Variants in SPAG16 observed in about 807,000 individuals in gnomAD.
SPAG16 encodes the protein sperm-associated antigen 16 protein.
Under a neutral mutation model 80.4 loss-of-function variants are expected in SPAG16, and 86 were observed. That is an observed-to-expected ratio of 1.07 (90% confidence interval 0.90 to 1.28). The LOEUF is 1.28. Ranked by LOEUF, SPAG16 falls within the 50% of genes most tolerant of loss-of-function variation. The pLI is 0.00. For synonymous variants in SPAG16, 294 were observed against 265.9 expected (o/e 1.11, Z -1.03); for missense variants, 870 against 765.3 (o/e 1.14, Z -1.61).
At chr2:214,394,653 C>A (rs1701262846) in intron 15 of SPAG16, among the ~76,000 whole-genome samples, 1 of 152,114 alleles carries the variant, frequency 6.6e-6, no homozygotes, top group African/African-American at 2.4e-5. Context: ...CCCCTATCCC[C>A]ACACATGCAC....
At chr2:213,593,727 C>T (rs7577800) in intron 10 of SPAG16, among the ~76,000 whole-genome samples, 7,621 of 130,182 alleles carry the variant, frequency 0.059, 841 homozygotes, top group African/African-American at 0.21. Flanking sequence ...TTTCTCATAC[C>T]CCATCATCCC....
chr2:213,658,324 T>C (rs902198381), intron 10 of SPAG16, among the ~76,000 whole-genome samples: 1 of 152,116 alleles, frequency 6.6e-6, no homozygotes, highest in African/African-American at 2.4e-5. Flanking sequence ...TTCCTCATAA[T>C]CTAGCCCCTC....
At chr2:213,686,939 T>C (rs183391784) in intron 10 of SPAG16, among the ~76,000 whole-genome samples, 119 of 152,246 alleles carry the variant, frequency 7.8e-4, no homozygotes, top group Middle Eastern at 3.4e-3. Context: ...CACCTCGGCC[T>C]CCCAAAGTGC....
chr2:214,264,828 GTC>G (rs1183806249), intron 15 of SPAG16, among the ~76,000 whole-genome samples: 2 of 151,708 alleles, frequency 1.3e-5, no homozygotes, highest in African/African-American at 4.8e-5. Context: ...TCTTTTTACT[GTC>G]TCTATATTTT....
chr2:213,447,403 G>T (rs933441101), intron 9 of SPAG16, among the ~76,000 whole-genome samples: 1 of 152,202 alleles, frequency 6.6e-6, no homozygotes, highest in African/African-American at 2.4e-5. Context: ...AAACTTTTCT[G>T]TCTGTTATCC....
chr2:214,213,581 G>A (rs1209521269), intron 15 of SPAG16, among the ~76,000 whole-genome samples: 1 of 152,174 alleles, frequency 6.6e-6, no homozygotes, highest in African/African-American at 2.4e-5. Context: ...GAGCTGTTCT[G>A]TGCATTGTGT....
In SPAG16 at chr2:213,862,596, T is replaced by C; in HGVS notation, c.1182T>C (p.Thr394=). Residue 394 remains threonine, a synonymous_variant, in exon 11 of 16, where the codon ACT becomes ACC. Coordinates refer to ENST00000331683, the MANE Select transcript of SPAG16 (RefSeq NM_024532.5). ...TGCTTCTCACGGGATTTGGCCACAC[T>C]GACTGGCTTTCAGACTGCTGCTTCC... ...CNVLLTGFGH[T]DWLSDCCFHP... 1 of 1,614,128 alleles carries C rather than the reference T, an allele frequency of 6.2e-7. No homozygotes were observed. The highest frequency in any genetic ancestry group is 8.5e-7 in the Non-Finnish European group (1 of 1,179,998).
chr2:214,085,285 T>C (rs2051649118), intron 13 of SPAG16, among the ~76,000 whole-genome samples: 1 of 150,128 alleles, frequency 6.7e-6, no homozygotes, highest in Non-Finnish European at 1.5e-5. Flanking sequence ...GGCGGGAGAA[T>C]CACTTGAACC....
At chr2:213,915,957 G>A (rs933135066) in intron 11 of SPAG16, among the ~76,000 whole-genome samples, 12 of 152,048 alleles carry the variant, frequency 7.9e-5, no homozygotes, top group African/African-American at 2.9e-4. Flanking sequence ...CCTACTTTTT[G>A]ATGGGGTTGT....
At chr2:213,645,019 C>T (rs1032997687) in intron 10 of SPAG16, among the ~76,000 whole-genome samples, 7 of 152,314 alleles carry the variant, frequency 4.6e-5, no homozygotes, top group East Asian at 1.9e-4. Context: ...AAACCTTAGA[C>T]GTCTGCCTGG....
chr2:213,579,582 G>A (rs1170332995), intron 10 of SPAG16, among the ~76,000 whole-genome samples: 1 of 152,086 alleles, frequency 6.6e-6, no homozygotes, highest in African/African-American at 2.4e-5. Context: ...CATTAAAAAT[G>A]ATCTCTTCAT....
At chr2:214,341,550 G>T (rs1475890294) in intron 15 of SPAG16, among the ~76,000 whole-genome samples, 1 of 152,106 alleles carries the variant, frequency 6.6e-6, no homozygotes, top group Non-Finnish European at 1.5e-5. Flanking sequence ...AAAATGACTT[G>T]CAAAGGAATG....
chr2:213,959,008 G>C (rs561054955), intron 12 of SPAG16, among the ~76,000 whole-genome samples: 1 of 152,046 alleles, frequency 6.6e-6, no homozygotes, highest in Non-Finnish European at 1.5e-5. Flanking sequence ...CATTTTGAAG[G>C]GTATTTTTGG....
At chr2:213,880,695 A>G (rs2076308520) in intron 11 of SPAG16, among the ~76,000 whole-genome samples, 1 of 152,170 alleles carries the variant, frequency 6.6e-6, no homozygotes, top group East Asian at 1.9e-4. Context: ...TGTGCATATA[A>G]CTAGCCAGCT....
At chr2:213,665,210 G>A (rs1001802209) in intron 10 of SPAG16, among the ~76,000 whole-genome samples, 1 of 152,010 alleles carries the variant, frequency 6.6e-6, no homozygotes, top group Non-Finnish European at 1.5e-5. Context: ...TGAAATTTGA[G>A]GAGCACATGT....
intron 12 of SPAG16, among the ~76,000 whole-genome samples, chr2:213,986,700 C>T (rs897985437): frequency 7.3e-5 from 11 of 151,506 alleles, no homozygotes; most frequent in Non-Finnish European, 1.2e-4. Flanking sequence ...ATCGTACTTT[C>T]GTATTTCCTT....
At chr2:214,409,249 T>C (rs910204228) in intron 15 of SPAG16, among the ~76,000 whole-genome samples, 1 of 151,988 alleles carries the variant, frequency 6.6e-6, no homozygotes, top group South Asian at 2.1e-4. Flanking sequence ...ATGTTATTAC[T>C]GAAACAATAA....
At chr2:213,966,590 T>C (rs2044722016) in intron 12 of SPAG16, among the ~76,000 whole-genome samples, 1 of 152,106 alleles carries the variant, frequency 6.6e-6, no homozygotes, top group African/African-American at 2.4e-5. Flanking sequence ...CTAAGCAAGG[T>C]GATTAAGGGT....
chr2:214,193,668 A>G (rs916281616), intron 15 of SPAG16, among the ~76,000 whole-genome samples: 3 of 152,054 alleles, frequency 2.0e-5, no homozygotes, highest in Non-Finnish European at 4.4e-5. Context: ...AATGTGTGTC[A>G]AGTTGCTGAC....
Sources: gnomAD v4.1 joint callset for allele counts (sites outside exome capture counted in the v4.1 genomes callset) on GRCh38, gnomAD v4.1.1 for gene constraint, MANE v1.5 for transcripts, NCBI Gene and HGNC (gene_info 2026-07-23, HGNC 2026-07-21) for gene names.